SGCG: variants seen among roughly 807,000 people sequenced by gnomAD.
The protein encoded by SGCG is sarcoglycan gamma.
Under a neutral mutation model 29.3 loss-of-function variants are expected in SGCG, and 26 were observed. The ratio of observed to expected loss-of-function variants is 0.89; its 90% CI spans 0.65 to 1.23. The LOEUF (loss-of-function observed/expected upper bound fraction) is 1.23, where lower values mean the gene tolerates loss of function less well. Ranked by LOEUF, SGCG falls within the 50% of genes most tolerant of loss-of-function variation. The pLI is 0.00. For missense variants in SGCG, 353 were observed against 356.0 expected (o/e 0.99, Z 0.07); for synonymous variants, 145 against 129.7 (o/e 1.12, Z -0.80).
intron 2 of SGCG, among the ~76,000 whole-genome samples, chr13:23,220,149 C>G (rs1878602087): frequency 6.6e-6 from 1 of 151,162 alleles, no homozygotes; most frequent in Non-Finnish European, 1.5e-5. Context: ...CCAATATTTA[C>G]CAATTAAAAA....
intron 2 of SGCG, chr13:23,217,422 A>C (rs1054176809): frequency 2.0e-5 from 3 of 152,124 alleles, no homozygotes; most frequent in Non-Finnish European, 4.4e-5. Flanking sequence ...AAATTTTCAA[A>C]TGCATATTTT....
chr13:23,183,740 C>T (rs2137467712), intron 1 of SGCG, among the ~76,000 whole-genome samples: 1 of 152,278 alleles, frequency 6.6e-6, no homozygotes, highest in Middle Eastern at 3.4e-3. Context: ...ATGATCTCGG[C>T]TCACTGCAAA....
intron 6 of SGCG, among the ~76,000 whole-genome samples, chr13:23,296,597 G>T (rs1178644624): frequency 8.6e-6 from 1 of 116,354 alleles, no homozygotes; most frequent in Non-Finnish European, 1.9e-5. Flanking sequence ...TCTTCTCCCG[G>T]TCACCCCGGC....
intron 6 of SGCG, among the ~76,000 whole-genome samples, chr13:23,295,950 C>G (rs1881890084): frequency 6.6e-6 from 1 of 152,204 alleles, no homozygotes; most frequent in Non-Finnish European, 1.5e-5. Flanking sequence ...CATCCCACAC[C>G]ATCCCCTCTG....
chr13:23,171,922 G>C, the SGCG span, among the ~76,000 whole-genome samples: 1 of 152,168 alleles, frequency 6.6e-6, no homozygotes, highest in Admixed American at 6.5e-5. Flanking sequence ...GATCTAAGAG[G>C]CTGAGCCAAA....
intron 1 of SGCG, among the ~76,000 whole-genome samples, chr13:23,184,832 G>A (rs1381456280): frequency 3.9e-5 from 6 of 152,252 alleles, no homozygotes; most frequent in East Asian, 1.9e-4. Context: ...ACAAGAATCC[G>A]CATCTCAGGC....
At chr13:23,248,575 T>A (rs1037222168) in intron 3 of SGCG, among the ~76,000 whole-genome samples, 13 of 151,126 alleles carry the variant, frequency 8.6e-5, no homozygotes, top group African/African-American at 3.2e-4. Flanking sequence ...GCGCCTGTAG[T>A]CCCAGCTCTT....
chr13:23,276,342 G>T lies in SGCG; in HGVS notation c.386-3017G>T, dbSNP rs140383851. Among the ~76,000 whole-genome samples the T allele has an allele frequency of 3.2e-4, 48 of 151,846 alleles. 1 individual carries two copies. The highest frequency in any genetic ancestry group is 5.3e-4 in the Non-Finnish European group (36 of 67,950). On this transcript the variant is annotated intron_variant, in intron 4 of 7. Coordinates refer to ENST00000218867, the MANE Select transcript of SGCG (RefSeq NM_000231.3). ...AAATGGAGGTGGGATTTTATTCACC[G>T]CTATGCCTTTGCTCAAGTAGTTTCC...
rs777795087 is a variant in SGCG at position 23,324,579 on chromosome 13, C to T, written c.*38C>T. ...CTCTCGGTGAGCTGTGCAGTGCCGGCCCCAGATCCTCACACCCAGGGAGCA... is the reference window on the plus strand; with the variant it reads ...CTCTCGGTGAGCTGTGCAGTGCCGGTCCCAGATCCTCACACCCAGGGAGCA... On this transcript the variant is annotated 3_prime_UTR_variant, in exon 8 of 8. Transcript: ENST00000218867. 1.3e-5 allele frequency: 21 copies of T among 1,573,948 alleles called. No homozygotes were observed. In the South Asian group the frequency reaches 1.4e-4, roughly 11 times the overall value.
upstream of SGCG, among the ~76,000 whole-genome samples, chr13:23,176,301 T>A (rs1360443632): frequency 1.3e-5 from 2 of 151,854 alleles, no homozygotes; most frequent in African/African-American, 4.8e-5. Flanking sequence ...GAACAAAGAG[T>A]TTATGGTCTG....
intron 3 of SGCG, 37 bp from the exon 4 acceptor site, chr13:23,250,593 A>T (rs1230549729): frequency 2.0e-6 from 2 of 980,960 alleles, no homozygotes; most frequent in Non-Finnish European, 3.3e-6. Context: ...CATTTTAAAC[A>T]GCACCTATTT....
At chr13:23,281,067 G>T (rs186305131) in intron 5 of SGCG, among the ~76,000 whole-genome samples, 1 of 152,272 alleles carries the variant, frequency 6.6e-6, no homozygotes, top group East Asian at 1.9e-4. Flanking sequence ...AGGCAGAGTG[G>T]TTCACACCTG....
chr13:23,309,921 G>A (rs1257089056), intron 6 of SGCG, among the ~76,000 whole-genome samples: 1 of 151,882 alleles, frequency 6.6e-6, no homozygotes, highest in Non-Finnish European at 1.5e-5. Context: ...CTCATTATGA[G>A]CATATAATTA....
chr13:23,285,858 C>T (rs182911035), intron 5 of SGCG, among the ~76,000 whole-genome samples: 7 of 152,256 alleles, frequency 4.6e-5, no homozygotes, highest in African/African-American at 1.2e-4. Context: ...CTTGGCTAGG[C>T]GAGGGAGTTC....
intron 4 of SGCG, among the ~76,000 whole-genome samples, chr13:23,255,477 G>A (rs1234112524): frequency 6.6e-6 from 1 of 152,200 alleles, no homozygotes; most frequent in South Asian, 2.1e-4. Flanking sequence ...AGGGATGATT[G>A]TATTTTACAA....
intron 4 of SGCG, among the ~76,000 whole-genome samples, chr13:23,260,733 C>T (rs1439749650): frequency 6.6e-6 from 1 of 152,192 alleles, no homozygotes; most frequent in Non-Finnish European, 1.5e-5. Context: ...TCTTGTAAGG[C>T]AGGCTTTGTG....
chr13:23,198,901 G>A (rs568101303), intron 1 of SGCG, among the ~76,000 whole-genome samples: 1 of 147,576 alleles, frequency 6.8e-6, no homozygotes, highest in South Asian at 2.2e-4. Context: ...GAGGTCAGGA[G>A]ATCGAGACCA....
At chr13:23,204,613 CT>C (rs1877909029) in intron 2 of SGCG, among the ~76,000 whole-genome samples, 2 of 84,942 alleles carry the variant, frequency 2.4e-5, no homozygotes, top group South Asian at 2.7e-4. Flanking sequence ...TCTTTTCTTT[CT>C]TTTCTTTCTT....
intron 7 of SGCG, among the ~76,000 whole-genome samples, chr13:23,323,754 A>G (rs1000641182): frequency 1.3e-5 from 2 of 152,198 alleles, no homozygotes; most frequent in African/African-American, 4.8e-5. Flanking sequence ...TTCAAATAAT[A>G]TATAAAAATT....
Sources: allele counts gnomAD v4.1 joint callset (sites outside exome capture counted in the v4.1 genomes callset), GRCh38; gene constraint gnomAD v4.1.1; transcripts MANE v1.5; gene names NCBI Gene and HGNC (gene_info 2026-07-23, HGNC 2026-07-21).